The following FUNDC2 variants were observed in gnomAD, a reference collection of about 807,000 sequenced individuals.
FUNDC2 encodes FUN14 domain-containing protein 2.
A neutral mutation model predicts 15.6 loss-of-function variants in FUNDC2; 4 were observed. That is an observed-to-expected ratio of 0.26 (90% confidence interval 0.13 to 0.59). The LOEUF (loss-of-function observed/expected upper bound fraction) is 0.59. Among genes scored for constraint, FUNDC2 ranks in the 20% least tolerant of loss-of-function variants. The pLI is 0.90. For missense variants in FUNDC2, 98 were observed against 149.7 expected (o/e 0.65, Z 1.80); for synonymous variants, 44 against 56.9 (o/e 0.77, Z 1.02).
In FUNDC2 at chrX:155,058,146, T is replaced by C. The variant is rs1475610706; in HGVS notation, c.*3474T>C. 9.0e-6 allele frequency: 1 copy of C among 111,586 alleles called. No homozygotes were observed. The highest frequency in any genetic ancestry group is 1.9e-5 in the Non-Finnish European group (1 of 53,160). 9.2% of individuals were successfully genotyped at this position (111,586 alleles called of 1,213,427 possible). On this transcript the variant is annotated 3_prime_UTR_variant, in exon 5 of 5. Coordinates refer to ENST00000369498, the MANE Select transcript of FUNDC2 (RefSeq NM_023934.4). ...GTGGGGTTCTTGACTCCCCTACCAC[T>C]GGGGTGACAGTCCTTGCTACTGGAT...
At chrX:155,035,841 C>G (rs999762365) in intron 2 of FUNDC2, among the ~76,000 whole-genome samples, 10 of 112,144 alleles carry the variant, frequency 8.9e-5, no homozygotes, top group Non-Finnish European at 1.7e-4. Context: ...TGTTTATCAA[C>G]AGTTCATTCC....
rs1257969028 is a variant in FUNDC2 at position 155,057,455 on chromosome X, T to C, written c.*2783T>C. On this transcript the variant is annotated 3_prime_UTR_variant, in exon 5 of 5. Coordinates refer to ENST00000369498, the MANE Select transcript of FUNDC2 (RefSeq NM_023934.4). ...TAATTAGTGGTGGTGGGGCGGAAGT[T>C]TTTCCTTGGGAAGAGCGTTGTCGCT... 6.3e-5 allele frequency: 7 copies of C among 111,306 alleles called. No homozygotes were observed. The highest frequency in any genetic ancestry group is 2.3e-4 in the African/African-American group (7 of 30,473). The allele number at this position is 111,306 out of a possible 1,213,427, so 9.2% of individuals were successfully genotyped here.
At chrX:155,048,495 TG>T (rs2073870188) in intron 3 of FUNDC2, among the ~76,000 whole-genome samples, 1 of 112,531 alleles carries the variant, frequency 8.9e-6, no homozygotes, top group African/African-American at 3.2e-5. Flanking sequence ...TCTGTTCCAC[TG>T]GTCAACTTTC....
rs782106820 is a variant in FUNDC2 at position 155,033,469 on chromosome X, G to A, written c.200G>A (p.Arg67His). The A allele has an allele frequency of 1.1e-5, 13 of 1,209,597 alleles. No homozygotes were observed. In the East Asian group the frequency reaches 1.2e-4, roughly 11 times the overall value. The change falls in exon 2 of 5, where the codon CGT (arginine) becomes CAT (histidine). Residue 67 changes from arginine to histidine, a missense_variant. Coordinates refer to ENST00000369498, the MANE Select transcript of FUNDC2 (RefSeq NM_023934.4). ...TTTGCTAAGAAGCAGCCATGGTGGC[G>A]TAAGCTGTTCGGGCAGGAATCTGGA... ...AEFAKKQPWW[R>H]KLFGQESGPS...
At chrX:155,027,668 A>G (rs1229227431) in intron 1 of FUNDC2, among the ~76,000 whole-genome samples, 1 of 112,303 alleles carries the variant, frequency 8.9e-6, no homozygotes, top group Non-Finnish European at 1.9e-5. Flanking sequence ...AAACTCAATC[A>G]TATAAACGTA....
In FUNDC2 at chrX:155,060,148, T is replaced by C. The variant is rs1344916198; in HGVS notation, c.*5476T>C. ...TTAAAAGAGTCTGAAACTGGAGTAGTTAACTCAGTAAAAATAACTTGGCAA... is the reference window on the plus strand; with the variant it reads ...TTAAAAGAGTCTGAAACTGGAGTAGCTAACTCAGTAAAAATAACTTGGCAA... On this transcript the variant is annotated 3_prime_UTR_variant, in exon 5 of 5. Coordinates refer to ENST00000369498, the MANE Select transcript of FUNDC2 (RefSeq NM_023934.4). The C allele has an allele frequency of 3.6e-5, 4 of 112,356 alleles. No homozygotes were observed. The highest frequency in any genetic ancestry group is 1.3e-4 in the African/African-American group (4 of 30,926). 9.3% of individuals were successfully genotyped at this position (112,356 alleles called of 1,213,427 possible).
chrX:155,050,152 T>G (rs1557290354), intron 3 of FUNDC2: 1 of 111,917 alleles, frequency 8.9e-6, no homozygotes, highest in Non-Finnish European at 1.9e-5. Context: ...GGCGGACAGC[T>G]TTGCCTTGTT....
At chrX:155,046,359 T>C (rs1431827752) in intron 2 of FUNDC2, 150 bp from the exon 3 acceptor site, 3 of 490,299 alleles carry the variant, frequency 6.1e-6, no homozygotes, top group Non-Finnish European at 1.1e-5. Flanking sequence ...GATTTCCTTA[T>C]GTCATGCTCC....
Position 155,057,034 on chromosome X carries a change from CCTCATCCTGCT to C in FUNDC2, c.*2363_*2373del, listed in dbSNP as rs2073906047. 2.0e-5 allele frequency: 2 copies of C among 100,539 alleles called. 1 individual carries two copies. Among genetic ancestry groups the C allele is most frequent in the Non-Finnish European group, 4.1e-5 (2 of 48,563 alleles). 8.3% of individuals were successfully genotyped at this position (100,539 alleles called of 1,213,427 possible). A position where few individuals can be genotyped will look rare whatever the true frequency, so the allele number is the denominator to read the frequency against. On this transcript the variant is annotated 3_prime_UTR_variant, in exon 5 of 5. Coordinates refer to ENST00000369498, the MANE Select transcript of FUNDC2 (RefSeq NM_023934.4). ...GGTTGAGGTCAGTATTGCAGGTTGG[CCTCATCCTGCT>C]AGTATGAGAACGGCTGTGAGTTCTG...
chrX:155,057,366 G>C lies in FUNDC2; in HGVS notation c.*2694G>C, dbSNP rs2073910117. The C allele has an allele frequency of 9.0e-6, 1 of 111,392 alleles. No individual in the cohort carries two copies. The highest frequency in any genetic ancestry group is 3.3e-5 in the African/African-American group (1 of 30,741). The allele number at this position is 111,392 out of a possible 1,213,427, so 9.2% of individuals were successfully genotyped here. On this transcript the variant is annotated 3_prime_UTR_variant, in exon 5 of 5. Transcript: ENST00000369498. ...AGTGCACTACTTTCATTTGACTGGA[G>C]AGGCCTGCTTAGCTAGGCACGTATT...
At position 155,055,627 on chromosome X, in the gene FUNDC2, C is replaced by G. The variant is rs2073892134; in HGVS notation, c.*955C>G. The G allele has an allele frequency of 5.8e-6, 1 of 173,708 alleles. No homozygotes were observed. The highest frequency in any genetic ancestry group is 3.0e-5 in the African/African-American group (1 of 33,117). The allele number at this position is 173,708 out of a possible 1,213,427, so 14.3% of individuals were successfully genotyped here. A position where few individuals can be genotyped will look rare whatever the true frequency, so the allele number is the denominator to read the frequency against. ...GAGAATTATTCTTTAAAAGCTTACA[C>G]ACACACACACACACGGGCACACACG... On this transcript the variant is annotated 3_prime_UTR_variant, in exon 5 of 5. Transcript: ENST00000369498.
intron 2 of FUNDC2, among the ~76,000 whole-genome samples, chrX:155,035,894 A>G (rs1453351611): frequency 3.6e-5 from 4 of 112,229 alleles, no homozygotes; most frequent in African/African-American, 9.7e-5. Flanking sequence ...ATGTACCACA[A>G]TCTGTTTCTC....
At chrX:155,034,869 T>C (rs1242519129) in intron 2 of FUNDC2, among the ~76,000 whole-genome samples, 1 of 111,631 alleles carries the variant, frequency 9.0e-6, no homozygotes, top group Non-Finnish European at 1.9e-5. Context: ...ATCTCCTCTT[T>C]CAGTTCCACT....
At chrX:155,051,617 G>A in intron 3 of FUNDC2, 53 bp from the exon 4 acceptor site, 6 of 1,179,091 alleles carry the variant, frequency 5.1e-6, no homozygotes, top group Non-Finnish European at 6.9e-6. Context: ...CTGACTAAAA[G>A]AAATAACAAA....
chrX:155,030,241 C>T (rs1182449342), intron 1 of FUNDC2, among the ~76,000 whole-genome samples: 2 of 108,425 alleles, frequency 1.8e-5, no homozygotes, highest in African/African-American at 6.8e-5. Context: ...CTAGGAACTC[C>T]AGTACAGTGC....
At position 155,059,427 on chromosome X, in the gene FUNDC2, C is replaced by T. The variant is rs2073919479; in HGVS notation, c.*4755C>T. The T allele has an allele frequency of 9.1e-6, 1 of 110,403 alleles. No individual in the cohort carries two copies. The highest frequency in any genetic ancestry group is 1.9e-5 in the Non-Finnish European group (1 of 52,792). The allele number at this position is 110,403 out of a possible 1,213,427, so 9.1% of individuals were successfully genotyped here. A position where few individuals can be genotyped will look rare whatever the true frequency, so the allele number is the denominator to read the frequency against. On this transcript the variant is annotated 3_prime_UTR_variant, in exon 5 of 5. Coordinates refer to ENST00000369498, the MANE Select transcript of FUNDC2 (RefSeq NM_023934.4). ...TGATTAAACTTAGCATCACTAATAGCCAACTTAACAAAGTTTTTTTTTTTT... is the reference window on the plus strand; with the variant it reads ...TGATTAAACTTAGCATCACTAATAGTCAACTTAACAAAGTTTTTTTTTTTT...
chrX:155,042,175 C>CT (rs1175079092), intron 2 of FUNDC2, among the ~76,000 whole-genome samples: 2,484 of 39,144 alleles, frequency 0.063, 692 homozygotes, highest in African/African-American at 0.13. Flanking sequence ...CTTTTTCTAT[C>CT]TTTTTTTTTT....
rs2073903490 is a variant in FUNDC2 at position 155,057,006 on chromosome X, CATGGTTGAGG to C, written c.*2335_*2344del. On this transcript the variant is annotated 3_prime_UTR_variant, in exon 5 of 5. Transcript: ENST00000369498. The stretch of plus-strand genomic sequence containing the variant: ...TGGCTGCCTCTACGACTGTGAGGGT[CATGGTTGAGG>C]TCAGTATTGCAGGTTGGCCTCATCC... 2 of 106,699 alleles carry C rather than the reference CATGGTTGAGG, an allele frequency of 1.9e-5. No individual in the cohort carries two copies. Among genetic ancestry groups the C allele is most frequent in the Non-Finnish European group, 4.0e-5 (2 of 50,581 alleles). 8.8% of individuals were successfully genotyped at this position (106,699 alleles called of 1,213,427 possible).
intron 1 of FUNDC2, among the ~76,000 whole-genome samples, chrX:155,028,313 G>C (rs1557288482): frequency 1.8e-5 from 2 of 110,962 alleles, no homozygotes; most frequent in African/African-American, 6.6e-5. Context: ...CAAATATCTC[G>C]CATTTAATCT....
Sources: gnomAD v4.1 joint callset for allele counts (sites outside exome capture counted in the v4.1 genomes callset) on GRCh38, gnomAD v4.1.1 for gene constraint, MANE v1.5 for transcripts, NCBI Gene and HGNC (gene_info 2026-07-23, HGNC 2026-07-21) for gene names.